SVIL: variants seen among roughly 807,000 people sequenced by gnomAD.
SVIL encodes supervillin.
Under a neutral mutation model 240.4 loss-of-function variants are expected in SVIL, and 101 were observed. That is an observed-to-expected ratio of 0.42 (90% CI 0.36 to 0.50). The LOEUF (loss-of-function observed/expected upper bound fraction) is 0.50, where lower values mean the gene tolerates loss of function less well. Ranked by LOEUF, SVIL falls within the 20% of genes least tolerant of loss-of-function variation. SVIL has a pLI of 0.01. For synonymous variants in SVIL, 999 were observed against 1,100.0 expected, an observed-to-expected ratio of 0.91 and a Z score of 1.82; for missense variants, 2,512 against 2,818.7, an observed-to-expected ratio of 0.89 and a Z score of 2.46.
chr10:29,714,517 A>G (rs1233590828), intron 1 of SVIL, among the ~76,000 whole-genome samples: 1 of 152,224 alleles, frequency 6.6e-6, no homozygotes, highest in Non-Finnish European at 1.5e-5. Flanking sequence ...AGACTATACT[A>G]TTCAGTGTTA....
chr10:29,539,582 C>T (rs1029633615), intron 6 of SVIL, among the ~76,000 whole-genome samples: 7 of 152,156 alleles, frequency 4.6e-5, no homozygotes, highest in Admixed American at 1.3e-4. Flanking sequence ...ACAGTGAACA[C>T]GCTGTCCTGG....
chr10:29,575,907 G>T (rs920629791), intron 1 of SVIL, among the ~76,000 whole-genome samples: 1 of 152,066 alleles, frequency 6.6e-6, no homozygotes, highest in East Asian at 1.9e-4. Context: ...TAGTCATTGA[G>T]GTCTAAATAC....
At chr10:29,622,021 C>A (rs1371497517) in intron 1 of SVIL, among the ~76,000 whole-genome samples, 1 of 151,590 alleles carries the variant, frequency 6.6e-6, no homozygotes, top group African/African-American at 2.4e-5. Flanking sequence ...GAGGCCGAGG[C>A]GGGCGGATCA....
chr10:29,666,894 AG>A (rs1959343810), intron 2 of SVIL, among the ~76,000 whole-genome samples: 2 of 152,128 alleles, frequency 1.3e-5, no homozygotes, highest in Non-Finnish European at 2.9e-5. Context: ...GCTCCCATAG[AG>A]TCCATTAAAC....
intron 24 of SVIL, 104 bp from the exon 25 acceptor site, chr10:29,486,661 G>C (rs1253591629): frequency 4.3e-6 from 6 of 1,384,500 alleles, no homozygotes; most frequent in Non-Finnish European, 6.0e-6. Context: ...TGCAAGGAAA[G>C]CCTTGTGACC....
At chr10:29,544,754 T>TAAAAAAAAAAA (rs373279682) in intron 6 of SVIL, among the ~76,000 whole-genome samples, 1 of 70,312 alleles carries the variant, frequency 1.4e-5, no homozygotes, top group Admixed American at 1.8e-4. Context: ...AGACCTTTTC[T>TAAAAAAAAAAA]AAAAAAAAAA....
At chr10:29,468,122 C>G (rs750026057) in intron 32 of SVIL, among the ~76,000 whole-genome samples, 1 of 152,172 alleles carries the variant, frequency 6.6e-6, no homozygotes, top group Non-Finnish European at 1.5e-5. Context: ...GCAGTCACTC[C>G]GCATTTCCCC....
Position 29,532,634 on chromosome 10 carries a change from G to C in SVIL, c.1733C>G (p.Thr578Ser). The change falls in exon 8 of 38, where the codon ACC becomes AGC. Residue 578 changes from threonine (T) to serine (S), a missense_variant. By Grantham distance (58) the Thr-to-Ser change is moderately conservative. This residue lies in a region of SVIL where 1,443 missense variants were observed against 1,486.6 expected (regional missense o/e 0.97). Transcript: ENST00000355867. Reference sequence around the variant, plus strand: ...GCTGATCTCCCCATAAGGCCCTTCGGTCTTGGAGCTGGGCAGCTCCAGCTC... The same window carrying C: ...GCTGATCTCCCCATAAGGCCCTTCGCTCTTGGAGCTGGGCAGCTCCAGCTC... ...RRELELPSSK[T>S]EGPYGEISML... is the part of the protein sequence containing the mutation. 6.2e-7 allele frequency: 1 copy of C among 1,614,222 alleles called. No individual in the cohort carries two copies. Among genetic ancestry groups the C allele is most frequent in the Non-Finnish European group, 8.5e-7 (1 of 1,180,046 alleles).
intron 17 of SVIL, among the ~76,000 whole-genome samples, chr10:29,500,406 C>A (rs114316745): frequency 0.016 from 2,431 of 152,156 alleles, 69 homozygotes; most frequent in African/African-American, 0.054. Flanking sequence ...TGCAAAGGTG[C>A]CCCCTCCAGA....
intron 2 of SVIL, among the ~76,000 whole-genome samples, chr10:29,677,747 T>C (rs1429449718): frequency 2.0e-5 from 3 of 152,146 alleles, no homozygotes; most frequent in African/African-American, 7.2e-5. Context: ...GGCCACTTAC[T>C]GTCGGATTCC....
chr10:29,675,426 C>A (rs1170882686), intron 2 of SVIL, among the ~76,000 whole-genome samples: 1 of 152,154 alleles, frequency 6.6e-6, no homozygotes, highest in Non-Finnish European at 1.5e-5. Context: ...ATCATTTGAG[C>A]CCAGGAATTA....
At chr10:29,462,604 A>C (rs906662300) in intron 35 of SVIL, among the ~76,000 whole-genome samples, 8 of 152,240 alleles carry the variant, frequency 5.3e-5, no homozygotes, top group African/African-American at 1.9e-4. Flanking sequence ...AGTGACCTAT[A>C]ATCAACCTGA....
In SVIL at chr10:29,735,593, C is replaced by T. The variant is rs1400663892; in HGVS notation, c.-400+158G>A. Among the ~76,000 whole-genome samples the T allele has an allele frequency of 7.9e-5, 12 of 151,362 alleles. No homozygotes were observed. In the East Asian group the frequency reaches 2.2e-3, roughly 27 times the overall value. ...CGCCGGCCTCCACCCCCGGGAGGCG[C>T]CCCCGTTCCCGCTTCGGTCCCCGGC... is the stretch of plus-strand genomic sequence containing the variant. On this transcript the variant is annotated intron_variant, in intron 1 of 35. Transcript: ENST00000375400. This position sits in a 1 kb window ranked among gnomAD's most constrained non-coding sequence, Gnocchi z 4.1.
At position 29,550,437 on chromosome 10, in the gene SVIL, G is replaced by C. The variant is rs116291541; in HGVS notation, c.827+160C>G. On this transcript the variant is annotated intron_variant, in intron 6 of 37. Transcript: ENST00000355867. ...AGCCTGGGCAACAGAGTGGGACCCT[G>C]TCTTCAGAAAAAAAAAAAAAAGAAT... 0.031 allele frequency among the ~76,000 whole-genome samples: 4,263 copies of C among 138,286 alleles called. 198 individuals are homozygous for C. Among genetic ancestry groups the C allele is most frequent in the African/African-American group, 0.11 (4,014 of 35,368 alleles). The allele number at this position is 138,286 out of a possible 152,430, so 90.7% of individuals were successfully genotyped here. A position where few individuals can be genotyped will look rare whatever the true frequency, so the allele number is the denominator to read the frequency against.
chr10:29,468,858 T>A (rs1265789403), intron 32 of SVIL: 1 of 152,014 alleles, frequency 6.6e-6, no homozygotes, highest in East Asian at 1.9e-4. Context: ...GTCATGAAAA[T>A]TACACACATT....
At chr10:29,587,784 C>T (rs1956229450) in intron 1 of SVIL, among the ~76,000 whole-genome samples, 1 of 152,166 alleles carries the variant, frequency 6.6e-6, no homozygotes. Flanking sequence ...GACTGCATAT[C>T]CCGGATGCTT....
At chr10:29,568,822 T>G (rs200154009) in intron 2 of SVIL, among the ~76,000 whole-genome samples, 16 of 90,000 alleles carry the variant, frequency 1.8e-4, no homozygotes, top group South Asian at 7.7e-4. Context: ...TGGATGGATG[T>G]GTGTGTGTGT....
intron 1 of SVIL, among the ~76,000 whole-genome samples, chr10:29,715,842 G>A (rs1307929365): frequency 2.0e-5 from 3 of 152,234 alleles, no homozygotes; most frequent in African/African-American, 7.2e-5. Flanking sequence ...TCAAATGCAA[G>A]TAGCCCCTGG....
chr10:29,652,095 A>C (rs941515684), intron 3 of SVIL, among the ~76,000 whole-genome samples: 3 of 152,168 alleles, frequency 2.0e-5, no homozygotes, highest in Non-Finnish European at 4.4e-5. Context: ...AAAATGTATC[A>C]TTCAATGGTT....
Sources: gnomAD v4.1 joint callset for allele counts (sites outside exome capture counted in the v4.1 genomes callset) on GRCh38, gnomAD v4.1.1 for gene constraint, gnomAD v4.1.1 regional missense constraint, Gnocchi (gnomAD v3.1) non-coding constraint, MANE v1.5 for transcripts, NCBI Gene and HGNC (gene_info 2026-07-23, HGNC 2026-07-21) for gene names.